STK26: variants seen among roughly 807,000 people sequenced by gnomAD.
STK26 encodes serine/threonine kinase 26, also known as serine/threonine-protein kinase 26.
STK26 carries 14 observed loss-of-function variants against 34.7 expected under a neutral mutation model. The ratio of observed to expected loss-of-function variants is 0.40; its 90% CI spans 0.27 to 0.63. STK26 has a LOEUF of 0.63. STK26 is among the 30% of genes least tolerant of loss of function. STK26 has a pLI of 0.38. For synonymous variants in STK26, 100 were observed against 109.8 expected, an observed-to-expected ratio of 0.91 and a Z score of 0.56; for missense variants, 226 against 309.1, an observed-to-expected ratio of 0.73 and a Z score of 2.02.
intron 2 of STK26, among the ~76,000 whole-genome samples, chrX:132,045,306 A>G (rs1020476734): frequency 4.5e-5 from 5 of 111,686 alleles, no homozygotes; most frequent in Admixed American, 9.5e-5. Flanking sequence ...GTGTGCTGTT[A>G]TAGGCTTGGC....
chrX:132,051,744 C>G (rs1015831245), intron 2 of STK26, among the ~76,000 whole-genome samples: 2 of 110,373 alleles, frequency 1.8e-5, no homozygotes, highest in Non-Finnish European at 3.8e-5. Context: ...CTATCCCCCC[C>G]AAGCCCCCAC....
rs911027470 is a variant in STK26 at position 132,075,355 on chromosome X, T to C, written c.*1196T>C. On this transcript the variant is annotated 3_prime_UTR_variant, in exon 12 of 12. Coordinates refer to ENST00000394334, the MANE Select transcript of STK26 (RefSeq NM_016542.4). ...AACTGGGGCTGTATTTCAGTAGTTGTAGAATTATTGATATTTAGTTTTGAT... is the reference window on the plus strand; with the variant it reads ...AACTGGGGCTGTATTTCAGTAGTTGCAGAATTATTGATATTTAGTTTTGAT... The C allele has an allele frequency of 7.2e-5, 8 of 111,600 alleles. No homozygotes were observed. Among genetic ancestry groups the C allele is most frequent in the Admixed American group, 2.9e-4 (3 of 10,439 alleles). The allele number at this position is 111,600 out of a possible 1,213,427, so 9.2% of individuals were successfully genotyped here.
intron 2 of STK26, among the ~76,000 whole-genome samples, chrX:132,026,179 A>G: frequency 8.9e-6 from 1 of 112,356 alleles, no homozygotes; most frequent in Non-Finnish European, 1.9e-5. Context: ...TACCTGTTCT[A>G]TCACTTAAGA....
At chrX:132,031,025 C>T (rs762558867) in intron 2 of STK26, among the ~76,000 whole-genome samples, 1 of 111,138 alleles carries the variant, frequency 9.0e-6, no homozygotes, top group Non-Finnish European at 1.9e-5. Flanking sequence ...CAGCCTCAAC[C>T]TCCCAGGCTC....
intron 2 of STK26, among the ~76,000 whole-genome samples, chrX:132,032,094 T>TAC (rs1259186829): frequency 2.7e-5 from 3 of 111,673 alleles, no homozygotes; most frequent in Admixed American, 9.5e-5. Context: ...GGGATAGAGC[T>TAC]ACAGGATGCA....
chrX:132,054,629 A>G lies in STK26; in HGVS notation c.43-2A>G, dbSNP rs1926795956. On this transcript the variant is annotated splice_acceptor_variant, in intron 2 of 11. Transcript: ENST00000394334. LOFTEE classifies it high-confidence loss of function. ...CTTTTTCTCGTTCCCCACTCCCTTC[A>G]GAATAACATAGCTGATCCAGAAGAA... 8.4e-7 allele frequency: 1 copy of G among 1,197,474 alleles called. No homozygotes were observed. The highest frequency in any genetic ancestry group is 1.1e-6 in the Non-Finnish European group (1 of 886,488).
Position 132,069,614 on chromosome X carries a change from A to G in STK26, c.734A>G (p.Lys245Arg). 8.6e-7 allele frequency: 1 copy of G among 1,166,078 alleles called. No homozygotes were observed. The highest frequency in any genetic ancestry group is 1.1e-6 in the Non-Finnish European group (1 of 874,327). ...CCAACTCTTGTTGGAGACTTTACTA[A>G]GTCTTTTAAGGAGTTTATTGATGCT... is the stretch of plus-strand genomic sequence containing the variant. ...NPPTLVGDFT[K>R]SFKEFIDACL... Residue 245 changes from lysine to arginine, a missense_variant, in exon 7 of 12, where the codon AAG becomes AGG. Around this residue, in one of 2 missense-constraint regions of STK26, gnomAD observed 126 missense variants for 132.4 expected, o/e 0.95. Transcript: ENST00000394334.
intron 2 of STK26, among the ~76,000 whole-genome samples, chrX:132,044,810 TATATATATTTATATATATAGAG>T (rs1926435235): frequency 3.8e-5 from 2 of 52,779 alleles, no homozygotes; most frequent in African/African-American, 1.7e-4. Context: ...GAGAGATCTA[TATATATATTTATATATATAGAG>T]AGAGATCTAT....
rs202173059 is a variant in STK26 at position 132,044,627 on chromosome X, TTCTCTCTCTCTC to T, written c.43-9977_43-9966del. On this transcript the variant is annotated intron_variant, in intron 2 of 11. Transcript: ENST00000394334. ...AACTTAGTTTCACTGGATGTTCAAA[TTCTCTCTCTCTC>T]TCTCTCTCTCTCTCTCTCTCTCTCT... 7.4e-4 allele frequency among the ~76,000 whole-genome samples: 32 copies of T among 43,101 alleles called. 1 individual carries two copies. The Middle Eastern group carries it at 0.053, about 71-fold the overall frequency. The allele number at this position is 43,101 out of a possible 115,157, so 37.4% of individuals were successfully genotyped here.
intron 2 of STK26, among the ~76,000 whole-genome samples, chrX:132,032,021 A>G (rs1925858537): frequency 9.0e-6 from 1 of 111,228 alleles, no homozygotes; most frequent in Admixed American, 9.6e-5. Flanking sequence ...TATATGGAAC[A>G]TATCCTGTCC....
At chrX:132,038,665 C>G (rs753814666) in intron 2 of STK26, among the ~76,000 whole-genome samples, 1 of 110,932 alleles carries the variant, frequency 9.0e-6, no homozygotes, top group East Asian at 2.8e-4. Flanking sequence ...ATTTGAACTG[C>G]TATTTTGTGG....
At chrX:132,055,379 T>G (rs1161592829) in intron 3 of STK26, 6 of 892,450 alleles carry the variant, frequency 6.7e-6, no homozygotes, top group African/African-American at 2.0e-5. Flanking sequence ...ATGTGGTAAA[T>G]ATTTGTTAAA....
chrX:132,036,222 A>G (rs1926043935), intron 2 of STK26, among the ~76,000 whole-genome samples: 1 of 112,440 alleles, frequency 8.9e-6, no homozygotes, highest in African/African-American at 3.2e-5. Context: ...ACACACAACC[A>G]ACAAAAACGA....
intron 3 of STK26, among the ~76,000 whole-genome samples, chrX:132,058,824 G>A (rs1361385260): frequency 7.2e-5 from 8 of 110,654 alleles, no homozygotes; most frequent in Admixed American, 6.7e-4. Flanking sequence ...TGAAGAACAT[G>A]TTGCTTCATG....
intron 2 of STK26, among the ~76,000 whole-genome samples, chrX:132,052,815 A>G (rs1926731807): frequency 8.9e-6 from 1 of 112,418 alleles, no homozygotes; most frequent in South Asian, 3.6e-4. Context: ...AATAAATGAT[A>G]CATTCCCAAA....
chrX:132,040,291 CT>C (rs946303509), intron 2 of STK26, among the ~76,000 whole-genome samples: 2 of 112,215 alleles, frequency 1.8e-5, no homozygotes, highest in African/African-American at 6.5e-5. Context: ...TTTTATAGTA[CT>C]TTCACTGAGG....
chrX:132,059,746 A>C (rs1286740754), intron 3 of STK26, among the ~76,000 whole-genome samples: 2 of 111,237 alleles, frequency 1.8e-5, no homozygotes, highest in Non-Finnish European at 3.8e-5. Flanking sequence ...TGTGTATGTT[A>C]AGGAAATATT....
chrX:132,054,225 G>A (rs1926781212), intron 2 of STK26, among the ~76,000 whole-genome samples: 2 of 112,246 alleles, frequency 1.8e-5, no homozygotes, highest in African/African-American at 6.5e-5. Context: ...GTGTTAAAAG[G>A]TAATATTGGC....
At chrX:132,063,603 A>G in intron 4 of STK26, 114 bp downstream of exon 4, 2 of 602,842 alleles carry the variant, frequency 3.3e-6, no homozygotes, top group Non-Finnish European at 5.1e-6. Flanking sequence ...TGCTTTAGTT[A>G]ATATGTTCAA....
Sources: gnomAD v4.1 joint callset for allele counts (sites outside exome capture counted in the v4.1 genomes callset) on GRCh38, gnomAD v4.1.1 for gene constraint, gnomAD v4.1.1 regional missense constraint, MANE v1.5 for transcripts, NCBI Gene and HGNC (gene_info 2026-07-23, HGNC 2026-07-21) for gene names.